Variants in URI1 observed in about 807,000 individuals in gnomAD.
URI1 encodes the protein URI1 prefoldin like chaperone.
Under a neutral mutation model 60.2 loss-of-function variants are expected in URI1, and 39 were observed. The observed-to-expected ratio is 0.65, with a 90% CI of 0.50 to 0.85. The LOEUF (loss-of-function observed/expected upper bound fraction) is 0.85, where lower values mean the gene tolerates loss of function less well. Among genes scored for constraint, URI1 ranks in the 40% least tolerant of loss-of-function variants. URI1 has a pLI of 0.00. For synonymous variants in URI1, 251 were observed against 236.8 expected (o/e 1.06, Z -0.55); for missense variants, 691 against 665.9 (o/e 1.04, Z -0.42).
In URI1 at chr19:30,009,027, A is replaced by G. The variant is rs776960995; in HGVS notation, c.709A>G (p.Asn237Asp). 1 of 1,611,062 alleles carries G rather than the reference A, an allele frequency of 6.2e-7. No homozygotes were observed. The change falls in exon 8 of 11, where the codon AAT becomes GAT. Residue 237 changes from asparagine to aspartate, a missense_variant. Physicochemically the swap from Asn to Asp is conservative, Grantham distance 23. Transcript: ENST00000392271. ...TAGTAAGCCTGATACTGTGATTGCA[A>G]ATGGAGAAGATACGACATCTTCTGA... Reference protein sequence around the residue: ...LDSKPDTVIANGEDTTSSEEE... With the variant: ...LDSKPDTVIADGEDTTSSEEE...
intron 1 of URI1, among the ~76,000 whole-genome samples, chr19:29,929,866 A>G (rs1375393723): frequency 1.3e-5 from 2 of 151,762 alleles, no homozygotes; most frequent in East Asian, 1.9e-4. Context: ...TTAAACCCTT[A>G]TATATAAGAT....
chr19:29,936,822 G>C (rs2145207804), intron 1 of URI1, among the ~76,000 whole-genome samples: 1 of 152,112 alleles, frequency 6.6e-6, no homozygotes, highest in East Asian at 1.9e-4. Flanking sequence ...GCATGATCTT[G>C]GCTCACTGCA....
chr19:30,013,786 A>C (rs962883996), intron 10 of URI1, among the ~76,000 whole-genome samples: 11 of 152,176 alleles, frequency 7.2e-5, no homozygotes, highest in Non-Finnish European at 1.2e-4. Context: ...AAGGAGAAGA[A>C]GGCTCTATGC....
At chr19:29,923,926 T>C (rs964435923) in intron 1 of URI1, among the ~76,000 whole-genome samples, 6 of 152,052 alleles carry the variant, frequency 3.9e-5, no homozygotes, top group Non-Finnish European at 7.4e-5. Context: ...TTGGCCTGAG[T>C]GATTAGGAGC....
At chr19:29,986,211 G>A (rs879251661) in intron 3 of URI1, 71 bp from the exon 4 acceptor site, 12 of 1,394,178 alleles carry the variant, frequency 8.6e-6, no homozygotes, top group South Asian at 3.5e-5. Flanking sequence ...CTTTTAATGC[G>A]AAGTGTTTTA....
At position 30,014,872 on chromosome 19, in the gene URI1, AC is replaced by A. The variant is rs544363449; in HGVS notation, c.1426-14del. ...ATTTGCATTTTATTACCATAACCTGACTTTTGTTTTCTAGGCTTTTTCTGGA... is the reference window on the plus strand; with the variant it reads ...ATTTGCATTTTATTACCATAACCTGATTTTGTTTTCTAGGCTTTTTCTGGA... On this transcript the variant is annotated splice_polypyrimidine_tract_variant and intron_variant, in intron 10 of 10. Coordinates refer to ENST00000392271, the MANE Select transcript of URI1 (RefSeq NM_003796.3). 109 of 1,604,876 alleles carry A rather than the reference AC, an allele frequency of 6.8e-5. No homozygotes were observed. The South Asian group carries it at 1.1e-3, about 16-fold the overall frequency.
At chr19:30,000,305 C>A (rs1015417005) in intron 4 of URI1, among the ~76,000 whole-genome samples, 2 of 151,940 alleles carry the variant, frequency 1.3e-5, no homozygotes, top group African/African-American at 4.8e-5. Context: ...TGGCTTCTCT[C>A]CTGATCAAAG....
intron 8 of URI1, among the ~76,000 whole-genome samples, chr19:30,010,201 T>G (rs547876815): frequency 1.3e-5 from 2 of 152,342 alleles, no homozygotes; most frequent in South Asian, 4.1e-4. Context: ...ATATCCCGAT[T>G]GCCTGTATCA....
At chr19:29,991,086 C>T (rs560965648) in intron 4 of URI1, among the ~76,000 whole-genome samples, 2 of 152,096 alleles carry the variant, frequency 1.3e-5, no homozygotes, top group Non-Finnish European at 2.9e-5. Context: ...TTTGGCTGTT[C>T]TACCTCCTTT....
Position 29,942,528 on chromosome 19 carries a change from C to T in URI1, c.-20C>T. 1.5e-6 allele frequency: 2 copies of T among 1,376,870 alleles called. No individual in the cohort carries two copies. The highest frequency in any genetic ancestry group is 3.1e-5 in the South Asian group (2 of 64,816). The allele number at this position is 1,376,870 out of a possible 1,614,324, so 85.3% of individuals were successfully genotyped here. A position where few individuals can be genotyped will look rare whatever the true frequency, so the allele number is the denominator to read the frequency against. ...GCTGGTTCAGGACTCACACGCCGCG[C>T]TGAGGCCCGCGGGCCCGTCATGGAG... On this transcript the variant is annotated 5_prime_UTR_variant, in exon 1 of 11. Transcript: ENST00000392271.
chr19:29,968,015 C>T (rs1019892754), intron 1 of URI1, among the ~76,000 whole-genome samples: 5 of 152,104 alleles, frequency 3.3e-5, no homozygotes, highest in African/African-American at 7.2e-5. Context: ...GACTTTGTAG[C>T]CACTGGGTTG....
Position 29,985,340 on chromosome 19 carries a change from C to A in URI1, c.231+39C>A, listed in dbSNP as rs941431325. ...GTTTCTTTTAAAGTAATAGTTGTTT[C>A]TTGTAAACATATTAACTATGTGTCG... On this transcript the variant is annotated intron_variant, in intron 3 of 10. Coordinates refer to ENST00000392271, the MANE Select transcript of URI1 (RefSeq NM_003796.3). 6.6e-6 allele frequency: 10 copies of A among 1,525,424 alleles called. No individual in the cohort carries two copies. In the East Asian group the frequency reaches 1.6e-4, roughly 24 times the overall value. 94.5% of individuals were successfully genotyped at this position (1,525,424 alleles called of 1,614,324 possible).
intron 7 of URI1, among the ~76,000 whole-genome samples, chr19:30,008,663 A>G (rs1397090504): frequency 1.1e-4 from 17 of 151,998 alleles, no homozygotes. Context: ...TGTGGTTTCA[A>G]TTTCTGGTCT....
intron 1 of URI1, among the ~76,000 whole-genome samples, chr19:29,961,502 G>T (rs1414305281): frequency 6.6e-6 from 1 of 151,858 alleles, no homozygotes; most frequent in Non-Finnish European, 1.5e-5. Flanking sequence ...CCTTTTTAAG[G>T]CTGAATAATA....
chr19:29,982,849 C>T lies in URI1; in HGVS notation c.153-2374C>T, dbSNP rs1040492161. 9.2e-5 allele frequency among the ~76,000 whole-genome samples: 14 copies of T among 152,188 alleles called. 1 individual carries two copies. Among genetic ancestry groups the T allele is most frequent in the African/African-American group, 3.1e-4 (13 of 41,444 alleles). ...AGTTTTGGAACCAAAATAGTAGTTG[C>T]TCCATGCTGGGCAGTGTGTTAGACC... On this transcript the variant is annotated intron_variant, in intron 2 of 10. Coordinates refer to ENST00000392271, the MANE Select transcript of URI1 (RefSeq NM_003796.3).
rs375152326 is a variant in URI1 at position 29,967,031 on chromosome 19, CAT to C, written c.118-4160_118-4159del. 5.0e-4 allele frequency among the ~76,000 whole-genome samples: 76 copies of C among 152,308 alleles called. No individual in the cohort carries two copies. The South Asian group carries it at 0.014, about 29-fold the overall frequency. ...TTGTATTTAACTTGCCTTAGAAACT[CAT>C]AGGTTTATGCCCTCTTGTGGTCTGT... On this transcript the variant is annotated intron_variant, in intron 1 of 10. Coordinates refer to ENST00000392271, the MANE Select transcript of URI1 (RefSeq NM_003796.3).
At chr19:29,938,640 CAAT>C (rs1209447238), upstream of URI1, among the ~76,000 whole-genome samples, 2 of 151,954 alleles carry the variant, frequency 1.3e-5, no homozygotes, top group Non-Finnish European at 2.9e-5. Context: ...AGGGATTAAC[CAAT>C]AATAAGTAAT....
intron 4 of URI1, among the ~76,000 whole-genome samples, chr19:29,992,256 G>T (rs948229667): frequency 6.6e-6 from 1 of 152,136 alleles, no homozygotes; most frequent in African/African-American, 2.4e-5. Flanking sequence ...TTTTTATAGA[G>T]ATGGGGTTTC....
At position 30,012,438 on chromosome 19, in the gene URI1, A is replaced by G. The variant is rs746888507; in HGVS notation, c.1332A>G (p.Glu444=). The G allele has an allele frequency of 1.2e-6, 2 of 1,614,226 alleles. No homozygotes were observed. Among genetic ancestry groups the G allele is most frequent in the African/African-American group, 2.7e-5 (2 of 75,062 alleles). The change falls in exon 10 of 11, where the codon GAA becomes GAG. Residue 444 remains glutamate, a synonymous_variant. Coordinates refer to ENST00000392271, the MANE Select transcript of URI1 (RefSeq NM_003796.3). ...RRGVLRSISC[E]EATCSDTSES... ...GAGTTTTGAGGAGTATCAGCTGCGA[A>G]GAAGCCACTTGCAGTGACACCAGTG...
Sources: gnomAD v4.1 joint callset for allele counts (sites outside exome capture counted in the v4.1 genomes callset) on GRCh38, gnomAD v4.1.1 for gene constraint, MANE v1.5 for transcripts, NCBI Gene and HGNC (gene_info 2026-07-23, HGNC 2026-07-21) for gene names.